BAHCC1: variants seen among roughly 807,000 people sequenced by gnomAD.
The protein encoded by BAHCC1 is BAH and coiled-coil domain-containing protein 1.
Under a neutral mutation model 88.2 loss-of-function variants are expected in BAHCC1, and 43 were observed. The ratio of observed to expected loss-of-function variants is 0.49; its 90% CI spans 0.38 to 0.63. The LOEUF is 0.63. Ranked by LOEUF, BAHCC1 falls within the 20% of genes least tolerant of loss-of-function variation. BAHCC1 has a pLI of 0.00. For missense variants in BAHCC1, 3,023 were observed against 1,654.8 expected (o/e 1.83, Z -14.34); for synonymous variants, 1,510 against 745.5 (o/e 2.03, Z -16.71).
chr17:81,416,445 T>C (rs1339720555), intron 2 of BAHCC1, among the ~76,000 whole-genome samples: 13 of 9,246 alleles, frequency 1.4e-3, no homozygotes, highest in Admixed American at 4.5e-3. Flanking sequence ...TGTGCGTGTG[T>C]GTGTGTCCAT....
chr17:81,409,023 A>G (rs1235080104), intron 2 of BAHCC1, among the ~76,000 whole-genome samples: 1 of 152,204 alleles, frequency 6.6e-6, no homozygotes, highest in African/African-American at 2.4e-5. Flanking sequence ...TCACCCCCAC[A>G]CCGGAAAAGA....
chr17:81,406,931 C>G (rs1555647014), intron 2 of BAHCC1: 3 of 456,300 alleles, frequency 6.6e-6, no homozygotes, highest in South Asian at 3.1e-5. Context: ...TCGGATCAGC[C>G]AGGAAGTGGG....
chr17:81,456,969 C>T (rs1219375337), intron 16 of BAHCC1, among the ~76,000 whole-genome samples: 1 of 152,106 alleles, frequency 6.6e-6, no homozygotes, highest in African/African-American at 2.4e-5. Context: ...ACACGTGTGT[C>T]CAGAAACAGG....
chr17:81,426,134 G>T (rs2064194364), intron 2 of BAHCC1, among the ~76,000 whole-genome samples: 6 of 123,216 alleles, frequency 4.9e-5, no homozygotes, highest in African/African-American at 1.7e-4. Context: ...ATAGTGGTTG[G>T]TGGTGATAGT....
In BAHCC1 at chr17:81,461,368, C is replaced by G. The variant is rs61741401; in HGVS notation, c.6705C>G (p.Pro2235=). The G allele has an allele frequency of 1.4e-6, 1 of 722,852 alleles. No homozygotes were observed. The highest frequency in any genetic ancestry group is 1.7e-5 in the African/African-American group (1 of 58,058). 44.8% of individuals were successfully genotyped at this position (722,852 alleles called of 1,614,324 possible). Residue 2235 remains proline (P), a synonymous_variant, in exon 26 of 28, where the codon CCC becomes CCG. Transcript: ENST00000675386. ...ALLMGDKDFS[P]KLGRPLPSPS... ...TCATGGGGGACAAGGACTTCAGCCCCAAGCTCGGGCGGCCCCTGCCCAGCC... is the reference window on the plus strand; with the variant it reads ...TCATGGGGGACAAGGACTTCAGCCCGAAGCTCGGGCGGCCCCTGCCCAGCC...
intron 2 of BAHCC1, among the ~76,000 whole-genome samples, chr17:81,412,587 C>T (rs1230397991): frequency 1.3e-5 from 2 of 152,158 alleles, no homozygotes; most frequent in African/African-American, 2.4e-5. Flanking sequence ...CTTCAGCCTG[C>T]GTTGCTGACT....
Position 81,457,917 on chromosome 17 carries a change from G to T in BAHCC1, c.5042-248G>T, listed in dbSNP as rs1315702689. 2.7e-5 allele frequency among the ~76,000 whole-genome samples: 3 copies of T among 112,784 alleles called. No homozygotes were observed. In the Admixed American group the frequency reaches 2.9e-4, roughly 11 times the overall value. The allele number at this position is 112,784 out of a possible 152,430, so 74.0% of individuals were successfully genotyped here. On this transcript the variant is annotated intron_variant, in intron 17 of 27. Coordinates refer to ENST00000675386, the MANE Select transcript of BAHCC1 (RefSeq NM_001377448.1). Reference sequence around the variant, plus strand: ...TAGGTAACCAGGAGGGAGGGCAGGGGTTGCTGGGTAACCAGGAGGGAGGGC... The same window carrying T: ...TAGGTAACCAGGAGGGAGGGCAGGGTTTGCTGGGTAACCAGGAGGGAGGGC...
intron 2 of BAHCC1, chr17:81,402,178 G>A (rs1424902773): frequency 1.3e-5 from 2 of 152,160 alleles, no homozygotes; most frequent in Non-Finnish European, 2.9e-5. Context: ...CCCCGTCCCT[G>A]GAGGCCCCAT....
At chr17:81,458,532 C>CCTCCCCTGCA (rs2029938299) in intron 18 of BAHCC1, 66 bp downstream of exon 18, 3 of 646,554 alleles carry the variant, frequency 4.6e-6, no homozygotes, top group Middle Eastern at 4.0e-4. Flanking sequence ...CCTTCCCCGC[C>CCTCCCCTGCA]CTCCCCCGCA....
chr17:81,463,476 G>C (rs1015985900), intron 27 of BAHCC1, 135 bp from the exon 28 acceptor site: 2 of 653,798 alleles, frequency 3.1e-6, no homozygotes, highest in African/African-American at 3.5e-5. Flanking sequence ...CAGGTTCCTC[G>C]GCCCCGTCTT....
chr17:81,399,098 C>G lies in BAHCC1; in HGVS notation c.-206-436C>G. The G allele has an allele frequency of 1.8e-5, 4 of 218,700 alleles. No individual in the cohort carries two copies. The highest frequency in any genetic ancestry group is 7.3e-5 in the South Asian group (2 of 27,552). 13.5% of individuals were successfully genotyped at this position (218,700 alleles called of 1,614,324 possible). A position where few individuals can be genotyped will look rare whatever the true frequency, so the allele number is the denominator to read the frequency against. The stretch of plus-strand genomic sequence containing the variant: ...CCTTTTCCTCCGAGACACCTTTGGG[C>G]AGCGGGGGAGGGGAGAGGGTGTGCG... On this transcript the variant is annotated intron_variant, in intron 1 of 27. Transcript: ENST00000675386. This position sits in a 1 kb window ranked among gnomAD's most constrained non-coding sequence, Gnocchi z 4.5.
Position 81,458,435 on chromosome 17 carries a change from G to A in BAHCC1, c.5312G>A (p.Arg1771His), listed in dbSNP as rs782165284. ...AGTGAGCGCCTCAAGAGGGCCACGC[G>A]CAAGGGCACAGTGCTGCAGCCAGTG... ...LASERLKRAT[R>H]KGTVLQPVLR... The change falls in exon 18 of 28, where the codon CGC (arginine) becomes CAC (histidine). Residue 1771 changes from arginine (R) to histidine (H), a missense_variant. Coordinates refer to ENST00000675386, the MANE Select transcript of BAHCC1 (RefSeq NM_001377448.1). 12 of 737,326 alleles carry A rather than the reference G, an allele frequency of 1.6e-5. No individual in the cohort carries two copies. Among genetic ancestry groups the A allele is most frequent in the Non-Finnish European group, 2.7e-5 (11 of 400,548 alleles). The allele number at this position is 737,326 out of a possible 1,614,324, so 45.7% of individuals were successfully genotyped here. A position where few individuals can be genotyped will look rare whatever the true frequency, so the allele number is the denominator to read the frequency against.
Position 81,441,742 on chromosome 17 carries a change from C to T in BAHCC1, c.482-89C>T, listed in dbSNP as rs566777534. 72 of 491,968 alleles carry T rather than the reference C, an allele frequency of 1.5e-4. 1 individual carries two copies. Among genetic ancestry groups the T allele is most frequent in the South Asian group, 8.7e-4 (16 of 18,392 alleles). The allele number at this position is 491,968 out of a possible 1,614,324, so 30.5% of individuals were successfully genotyped here. On this transcript the variant is annotated intron_variant, in intron 4 of 27. Coordinates refer to ENST00000675386, the MANE Select transcript of BAHCC1 (RefSeq NM_001377448.1). ...CCTGGAGTCAGTGCCAGCTGGTGTC[C>T]GGGAGGCACCTGGAGCACCTGTCTC...
intron 10 of BAHCC1, chr17:81,446,801 C>T: frequency 1.5e-6 from 1 of 675,672 alleles, no homozygotes; most frequent in Non-Finnish European, 2.7e-6. Context: ...GATCCATCCA[C>T]CTCAGCCTCC....
intron 11 of BAHCC1, among the ~76,000 whole-genome samples, chr17:81,450,933 G>A (rs1265447017): frequency 6.6e-6 from 1 of 152,200 alleles, no homozygotes; most frequent in African/African-American, 2.4e-5. Flanking sequence ...GAGGGGACTT[G>A]TCCCCTCCCT....
intron 2 of BAHCC1, chr17:81,400,979 T>C (rs2143173955): frequency 6.6e-6 from 1 of 152,536 alleles, no homozygotes; most frequent in Middle Eastern, 2.9e-3. Flanking sequence ...TGTTTACAGT[T>C]TGTTCTAAAC....
chr17:81,456,240 G>T, intron 15 of BAHCC1, 57 bp from the exon 16 acceptor site: 1 of 682,162 alleles, frequency 1.5e-6, no homozygotes, highest in South Asian at 1.6e-5. Context: ...TAACCGCCCA[G>T]GGGCTGTGGT....
At chr17:81,423,746 C>T (rs1355731909) in intron 2 of BAHCC1, among the ~76,000 whole-genome samples, 2 of 152,206 alleles carry the variant, frequency 1.3e-5, no homozygotes, top group Non-Finnish European at 2.9e-5. Flanking sequence ...GTGCAGGAGC[C>T]GATAGTCATG....
rs1026740290 is a variant in BAHCC1, at chr17:81,461,716, C to G, written c.7053C>G (p.Asp2351Glu). 2.6e-5 allele frequency: 19 copies of G among 718,958 alleles called. 1 individual carries two copies. The South Asian group carries it at 2.7e-4, about 10-fold the overall frequency. 44.5% of individuals were successfully genotyped at this position (718,958 alleles called of 1,614,324 possible). A position where few individuals can be genotyped will look rare whatever the true frequency, so the allele number is the denominator to read the frequency against. ...DNEDSSYSSD[D>E]EDPALLLQTC... is the part of the protein sequence containing the mutation. ...AGGACTCGTCCTACAGCTCAGACGA[C>G]GAGGACCCGGCTCTGCTGCTGCAGA... is the stretch of plus-strand genomic sequence containing the variant. Residue 2351 changes from aspartate to glutamate, a missense_variant, in exon 26 of 28, where the codon GAC becomes GAG. Physicochemically the swap from Asp to Glu is conservative, Grantham distance 45. Coordinates refer to ENST00000675386, the MANE Select transcript of BAHCC1 (RefSeq NM_001377448.1).
Sources: allele counts gnomAD v4.1 joint callset (sites outside exome capture counted in the v4.1 genomes callset), GRCh38; gene constraint gnomAD v4.1.1; non-coding constraint Gnocchi (gnomAD v3.1); transcripts MANE v1.5; gene names NCBI Gene and HGNC (gene_info 2026-07-23, HGNC 2026-07-21).